SCHIP1: variants seen among roughly 807,000 people sequenced by gnomAD.
SCHIP1 encodes schwannomin interacting protein 1, also known as schwannomin-interacting protein 1.
In SCHIP1, 8 loss-of-function variants were observed where a neutral mutation model predicts 29.7. That is an observed-to-expected ratio of 0.27 (90% confidence interval 0.16 to 0.49). The LOEUF is 0.49. Among genes scored for constraint, SCHIP1 ranks in the 20% least tolerant of loss-of-function variants. The pLI, the probability that SCHIP1 is intolerant of heterozygous loss-of-function variation, is 0.99. For synonymous variants in SCHIP1, 76 were observed against 94.9 expected, an observed-to-expected ratio of 0.80 and a Z score of 1.16; for missense variants, 193 against 294.6, an observed-to-expected ratio of 0.66 and a Z score of 2.52.
the SCHIP1 span, among the ~76,000 whole-genome samples, chr3:159,626,289 T>A: frequency 1.7e-3 from 250 of 146,260 alleles, no homozygotes; most frequent in Admixed American, 5.1e-3. Context: ...GATAGATAGA[T>A]AGATAGATAG....
chr3:159,407,243 A>G, the SCHIP1 span, among the ~76,000 whole-genome samples: 2 of 152,214 alleles, frequency 1.3e-5, no homozygotes, highest in Non-Finnish European at 2.9e-5. Flanking sequence ...AGCTATACTT[A>G]TATCAGACAA....
the SCHIP1 span, among the ~76,000 whole-genome samples, chr3:159,810,943 G>T: frequency 2.6e-5 from 4 of 152,170 alleles, no homozygotes; most frequent in African/African-American, 9.7e-5. Flanking sequence ...GAGGCTTACG[G>T]TTTTTTCATA....
chr3:159,691,956 T>C, the SCHIP1 span, among the ~76,000 whole-genome samples: 1 of 152,028 alleles, frequency 6.6e-6, no homozygotes, highest in African/African-American at 2.4e-5. Flanking sequence ...GTAGGGTTTC[T>C]GCAGAGAGAT....
the SCHIP1 span, among the ~76,000 whole-genome samples, chr3:159,673,736 C>T: frequency 6.6e-6 from 1 of 152,254 alleles, no homozygotes; most frequent in Non-Finnish European, 1.5e-5. Context: ...AAGTTACTTG[C>T]TATCTAATAT....
At chr3:159,388,660 T>C in the SCHIP1 span, among the ~76,000 whole-genome samples, 3,329 of 152,252 alleles carry the variant, frequency 0.022, 62 homozygotes, top group Middle Eastern at 0.095. Context: ...TTTCCAAATA[T>C]CAGAATTTCT....
At chr3:159,864,817 C>G (rs770906970) in intron 1 of SCHIP1, among the ~76,000 whole-genome samples, 1 of 152,120 alleles carries the variant, frequency 6.6e-6, no homozygotes, top group Non-Finnish European at 1.5e-5. Flanking sequence ...TCTGTGCTGT[C>G]TAGTACAGTA....
the SCHIP1 span, among the ~76,000 whole-genome samples, chr3:159,648,422 T>C: frequency 6.6e-6 from 1 of 152,166 alleles, no homozygotes; most frequent in Admixed American, 6.5e-5. Flanking sequence ...TCCTATTTCT[T>C]AAATAAGGAC....
At chr3:159,688,957 A>T in the SCHIP1 span, among the ~76,000 whole-genome samples, 1 of 152,108 alleles carries the variant, frequency 6.6e-6, no homozygotes, top group African/African-American at 2.4e-5. Flanking sequence ...ATTGGTCTAT[A>T]TATCTGTTTT....
the SCHIP1 span, among the ~76,000 whole-genome samples, chr3:159,301,101 A>C: frequency 6.6e-6 from 1 of 152,188 alleles, no homozygotes; most frequent in Non-Finnish European, 1.5e-5. Flanking sequence ...GTACATATAT[A>C]TAGCACTTGA....
the SCHIP1 span, among the ~76,000 whole-genome samples, chr3:159,695,860 T>C: frequency 6.6e-6 from 1 of 152,134 alleles, no homozygotes; most frequent in Admixed American, 6.6e-5. Flanking sequence ...TCCAATTCCC[T>C]TCCTGCTCAC....
At chr3:159,529,941 C>T in the SCHIP1 span, among the ~76,000 whole-genome samples, 1 of 152,158 alleles carries the variant, frequency 6.6e-6, no homozygotes. Context: ...AGATTTCATT[C>T]TCTTTGAGGC....
chr3:159,748,230 C>A, the SCHIP1 span, among the ~76,000 whole-genome samples: 4 of 152,086 alleles, frequency 2.6e-5, no homozygotes, highest in Non-Finnish European at 2.9e-5. Context: ...AAGTTCCACC[C>A]CAATTTCAGA....
At chr3:159,731,078 A>T in the SCHIP1 span, among the ~76,000 whole-genome samples, 1 of 152,236 alleles carries the variant, frequency 6.6e-6, no homozygotes, top group South Asian at 2.1e-4. Context: ...TTTTTAAAAG[A>T]TCCCAAATCT....
chr3:159,812,951 G>A, the SCHIP1 span, among the ~76,000 whole-genome samples: 1 of 152,232 alleles, frequency 6.6e-6, no homozygotes, highest in Non-Finnish European at 1.5e-5. Flanking sequence ...CCGAGAACCA[G>A]AAGGGAAAGC....
At chr3:159,428,139 G>C in the SCHIP1 span, among the ~76,000 whole-genome samples, 1 of 151,398 alleles carries the variant, frequency 6.6e-6, no homozygotes, top group East Asian at 1.9e-4. Flanking sequence ...GCATGGGCAA[G>C]GACTTCATGT....
At chr3:159,526,570 C>A in the SCHIP1 span, among the ~76,000 whole-genome samples, 2 of 152,208 alleles carry the variant, frequency 1.3e-5, no homozygotes, top group African/African-American at 4.8e-5. Flanking sequence ...TCTGCTGACT[C>A]CAACGCTGAC....
At chr3:159,423,629 G>GGGCACAGACAA in the SCHIP1 span, among the ~76,000 whole-genome samples, 1 of 152,016 alleles carries the variant, frequency 6.6e-6, no homozygotes, top group Admixed American at 6.6e-5. Context: ...TCTGGGGGCA[G>GGGCACAGACAA]CGCACAGACA....
At chr3:159,853,675 C>T (rs1388465499) in intron 1 of SCHIP1, among the ~76,000 whole-genome samples, 2 of 152,216 alleles carry the variant, frequency 1.3e-5, no homozygotes, top group Non-Finnish European at 2.9e-5. Context: ...GCAACTAAAA[C>T]ACACATGTTG....
At chr3:159,845,264 C>T (rs1711631096) in intron 1 of SCHIP1, 1 of 152,304 alleles carries the variant, frequency 6.6e-6, no homozygotes, top group African/African-American at 2.4e-5. Flanking sequence ...AAACTTTTCC[C>T]ATTTATTTCT....
Sources: allele counts gnomAD v4.1 joint callset (sites outside exome capture counted in the v4.1 genomes callset), GRCh38; gene constraint gnomAD v4.1.1; transcripts MANE v1.5; gene names NCBI Gene and HGNC (gene_info 2026-07-23, HGNC 2026-07-21).